Variants in RNF115 observed in about 807,000 individuals in gnomAD.
RNF115 encodes the protein E3 ubiquitin-protein ligase RNF115.
Under a neutral mutation model 39.2 loss-of-function variants are expected in RNF115, and 31 were observed. The ratio of observed to expected loss-of-function variants is 0.79; its 90% CI spans 0.59 to 1.07. The LOEUF is 1.07. Among genes scored for constraint, RNF115 ranks in the 50% least tolerant of loss-of-function variants. The pLI is 0.00. For missense variants in RNF115, 384 were observed against 381.7 expected (o/e 1.01, Z -0.05); for synonymous variants, 124 against 131.0 (o/e 0.95, Z 0.37).
rs1017801541 is a variant in RNF115 at position 145,740,088 on chromosome 1, T to C, written c.*6778A>G. 1.3e-5 allele frequency: 2 copies of C among 152,230 alleles called. No individual in the cohort carries two copies. The highest frequency in any genetic ancestry group is 2.9e-5 in the Non-Finnish European group (2 of 68,046). The allele number at this position is 152,230 out of a possible 1,614,324, so 9.4% of individuals were successfully genotyped here. On this transcript the variant is annotated 3_prime_UTR_variant, in exon 9 of 9. Transcript: ENST00000582693. ...TTAATCTTTCTCTACCTGTTTTAAATAGTTAGTTCTGTGTTTCTAACTAAA... is the reference window on the plus strand; with the variant it reads ...TTAATCTTTCTCTACCTGTTTTAAACAGTTAGTTCTGTGTTTCTAACTAAA...
At chr1:145,789,083 G>A (rs587770087) in intron 1 of RNF115, 117 bp from the exon 2 acceptor site, 6 of 649,036 alleles carry the variant, frequency 9.2e-6, no homozygotes, top group Non-Finnish European at 1.6e-5. Flanking sequence ...CTATGTACTC[G>A]CTGACTCAAG....
chr1:145,748,905 T>C (rs1657978240), intron 7 of RNF115, among the ~76,000 whole-genome samples: 1 of 150,134 alleles, frequency 6.7e-6, no homozygotes, highest in East Asian at 2.0e-4. Flanking sequence ...AAATTATTAA[T>C]AAAAGCTATA....
At chr1:145,805,044 A>AT (rs1275358412) in intron 1 of RNF115, among the ~76,000 whole-genome samples, 1 of 152,190 alleles carries the variant, frequency 6.6e-6, no homozygotes, top group African/African-American at 2.4e-5. Flanking sequence ...AAGTATAAAT[A>AT]TTAAAAAAAA....
intron 1 of RNF115, among the ~76,000 whole-genome samples, chr1:145,798,175 TG>T (rs1333356532): frequency 2.6e-4 from 39 of 152,196 alleles, no homozygotes; most frequent in African/African-American, 9.2e-4. Flanking sequence ...TTTTTGCTTT[TG>T]TTGCCTGTGC....
At chr1:145,757,258 T>A (rs1404981663) in intron 4 of RNF115, among the ~76,000 whole-genome samples, 1 of 152,154 alleles carries the variant, frequency 6.6e-6, no homozygotes, top group Non-Finnish European at 1.5e-5. Flanking sequence ...ATATTCACGG[T>A]GACCTTATCA....
intron 3 of RNF115, among the ~76,000 whole-genome samples, chr1:145,782,418 T>TC (rs1559118432): frequency 1.3e-5 from 2 of 152,050 alleles, no homozygotes; most frequent in Admixed American, 6.6e-5. Flanking sequence ...GCTCAGAAGT[T>TC]CGAGTCCAGC....
chr1:145,794,506 T>C (rs1012277076), intron 1 of RNF115, among the ~76,000 whole-genome samples: 476 of 136,470 alleles, frequency 3.5e-3, no homozygotes, highest in Non-Finnish European at 5.5e-3. Flanking sequence ...CTCTTTCTTT[T>C]TTTTTTTTTT....
At position 145,797,970 on chromosome 1, in the gene RNF115, C is replaced by A. The variant is rs115044477; in HGVS notation, c.103-9004G>T. On this transcript the variant is annotated intron_variant, in intron 1 of 8. Transcript: ENST00000582693. ...TCTTTGGAGAAATGACTATTCAAGT[C>A]ATTTGCCTATTTTTTAATCTGTTTA... Among the ~76,000 whole-genome samples, 285 of 152,232 alleles carry A rather than the reference C, an allele frequency of 1.9e-3. 2 individuals carry two copies. The highest frequency in any genetic ancestry group is 6.4e-3 in the African/African-American group (268 of 41,552).
chr1:145,767,950 GAGAC>G, intron 4 of RNF115, among the ~76,000 whole-genome samples: 2 of 4,330 alleles, frequency 4.6e-4, no homozygotes, highest in Non-Finnish European at 6.1e-4. Context: ...CTCGGCATCA[GAGAC>G]AGAGAGAGAC....
In RNF115 at chr1:145,742,667, T is replaced by G. The variant is rs977450963; in HGVS notation, c.*4199A>C. On this transcript the variant is annotated 3_prime_UTR_variant, in exon 9 of 9. Coordinates refer to ENST00000582693, the MANE Select transcript of RNF115 (RefSeq NM_014455.4). ...CTCCATTGTGAAATGTGCATACACGTGTTTGTCTGTGAATATATAAATATC... is the reference window on the plus strand; with the variant it reads ...CTCCATTGTGAAATGTGCATACACGGGTTTGTCTGTGAATATATAAATATC... 3.3e-5 allele frequency: 5 copies of G among 152,340 alleles called. No individual in the cohort carries two copies. The highest frequency in any genetic ancestry group is 4.1e-4 in the South Asian group (2 of 4,828). 9.4% of individuals were successfully genotyped at this position (152,340 alleles called of 1,614,324 possible).
At chr1:145,773,308 A>T (rs1239515821) in intron 3 of RNF115, 1 of 152,030 alleles carries the variant, frequency 6.6e-6, no homozygotes, top group African/African-American at 2.4e-5. Flanking sequence ...CTGAACATTT[A>T]TAATGTGTAA....
intron 3 of RNF115, among the ~76,000 whole-genome samples, chr1:145,777,664 CA>C (rs1647945828): frequency 6.6e-6 from 1 of 151,940 alleles, no homozygotes; most frequent in African/African-American, 2.4e-5. Flanking sequence ...ACACAGCTTA[CA>C]TAAGTAAAAA....
At chr1:145,780,417 G>A (rs1173207913) in intron 3 of RNF115, among the ~76,000 whole-genome samples, 2 of 151,790 alleles carry the variant, frequency 1.3e-5, no homozygotes, top group African/African-American at 2.4e-5. Context: ...TCAGGAGATC[G>A]AGACCATCCT....
At position 145,740,187 on chromosome 1, in the gene RNF115, T is replaced by C. The variant is rs1252876893; in HGVS notation, c.*6679A>G. On this transcript the variant is annotated 3_prime_UTR_variant, in exon 9 of 9. Coordinates refer to ENST00000582693, the MANE Select transcript of RNF115 (RefSeq NM_014455.4). ...AATCTTCTGGAGCTACTCAACATTA[T>C]ACAATCACTGGAAGTCTCAGAAGAT... 6.6e-6 allele frequency: 1 copy of C among 152,230 alleles called. No individual in the cohort carries two copies. Among genetic ancestry groups the C allele is most frequent in the Non-Finnish European group, 1.5e-5 (1 of 68,044 alleles). The allele number at this position is 152,230 out of a possible 1,614,324, so 9.4% of individuals were successfully genotyped here.
chr1:145,780,576 C>A (rs943961208), intron 3 of RNF115, among the ~76,000 whole-genome samples: 4 of 139,948 alleles, frequency 2.9e-5, no homozygotes, highest in Non-Finnish European at 6.1e-5. Flanking sequence ...GCCGAGATTG[C>A]GCCACTGCAC....
At chr1:145,801,256 T>C (rs1553720855) in intron 1 of RNF115, among the ~76,000 whole-genome samples, 1 of 152,192 alleles carries the variant, frequency 6.6e-6, no homozygotes, top group Non-Finnish European at 1.5e-5. Context: ...CTTTTCATTA[T>C]ACCATGCTGA....
intron 1 of RNF115, among the ~76,000 whole-genome samples, chr1:145,799,063 T>C (rs1271376653): frequency 6.6e-6 from 1 of 151,864 alleles, no homozygotes; most frequent in Non-Finnish European, 1.5e-5. Context: ...GTGGAATGTT[T>C]AGGGTTTTCT....
intron 7 of RNF115, 28 bp downstream of exon 7, chr1:145,750,379 G>A: frequency 1.3e-6 from 2 of 1,522,506 alleles, no homozygotes; most frequent in Non-Finnish European, 1.8e-6. Flanking sequence ...ATCAGAAGAT[G>A]ACAGAATAAG....
At chr1:145,796,313 TA>T (rs1288095961) in intron 1 of RNF115, among the ~76,000 whole-genome samples, 1 of 152,142 alleles carries the variant, frequency 6.6e-6, no homozygotes, top group Admixed American at 6.6e-5. Context: ...AGGACAGAAA[TA>T]AAATAAGATT....
Sources: gnomAD v4.1 joint callset for allele counts (sites outside exome capture counted in the v4.1 genomes callset) on GRCh38, gnomAD v4.1.1 for gene constraint, MANE v1.5 for transcripts, NCBI Gene and HGNC (gene_info 2026-07-23, HGNC 2026-07-21) for gene names.